Variants in ANKRD54 observed in about 807,000 individuals in gnomAD.
ANKRD54 encodes the protein ankyrin repeat domain-containing protein 54.
Under a neutral mutation model 36.2 loss-of-function variants are expected in ANKRD54, and 26 were observed. The ratio of observed to expected loss-of-function variants is 0.72; its 90% CI spans 0.53 to 1.00. ANKRD54 has a LOEUF of 1.00. ANKRD54 is among the 50% of genes least tolerant of loss of function. The pLI is 0.00. For synonymous variants in ANKRD54, 209 were observed against 188.4 expected, an observed-to-expected ratio of 1.11 and a Z score of -0.89; for missense variants, 384 against 424.3, an observed-to-expected ratio of 0.91 and a Z score of 0.83.
intron 6 of ANKRD54, 83 bp from the exon 7 acceptor site, chr22:37,832,827 C>A (rs559555747): frequency 6.2e-7 from 1 of 1,601,044 alleles, no homozygotes; most frequent in African/African-American, 1.3e-5. Context: ...CACAGTGGAG[C>A]AGGTGCCAAC....
At chr22:37,833,474 T>C (rs1923153653) in intron 4 of ANKRD54, among the ~76,000 whole-genome samples, 1 of 152,084 alleles carries the variant, frequency 6.6e-6, no homozygotes, top group Non-Finnish European at 1.5e-5. Flanking sequence ...GGTTGCTAAA[T>C]TGGCTCTGCC....
chr22:37,834,228 C>T (rs1923248169), intron 3 of ANKRD54: 1 of 157,448 alleles, frequency 6.4e-6, no homozygotes, highest in Non-Finnish European at 1.4e-5. Context: ...AGGCAGGTAG[C>T]CTGGATCCCA....
At position 37,832,003 on chromosome 22, in the gene ANKRD54, A is replaced by C; in HGVS notation, c.843T>G (p.Thr281=). The C allele has an allele frequency of 6.2e-7, 1 of 1,613,226 alleles. No homozygotes were observed. The highest frequency in any genetic ancestry group is 8.5e-7 in the Non-Finnish European group (1 of 1,179,688). The part of the protein sequence containing the change: ...TSTKEQVDEV[T]DLLASFTSLS... ...GGGAGGTGAAGCTGGCCAGGAGGTC[A>C]GTCACTTCATCCACCTGCAGGACGG... Residue 281 remains threonine, a synonymous_variant, in exon 8 of 8, where the codon ACT becomes ACG. Coordinates refer to ENST00000215941, the MANE Select transcript of ANKRD54 (RefSeq NM_138797.4).
chr22:37,835,362 A>T (rs1923389844), intron 3 of ANKRD54, among the ~76,000 whole-genome samples: 1 of 150,116 alleles, frequency 6.7e-6, no homozygotes, highest in Admixed American at 6.6e-5. Context: ...ACTCTGTCTC[A>T]AATAAATAAA....
At chr22:37,845,246 C>G (rs1348820725), upstream of ANKRD54, among the ~76,000 whole-genome samples, 1 of 152,150 alleles carries the variant, frequency 6.6e-6, no homozygotes, top group Middle Eastern at 3.2e-3. Context: ...GTTCGACAGC[C>G]AGTCACTGAG....
In ANKRD54 at chr22:37,844,296, C is replaced by T; in HGVS notation, c.-58G>A. The T allele has an allele frequency of 1.3e-6, 2 of 1,522,700 alleles. No individual in the cohort carries two copies. The highest frequency in any genetic ancestry group is 1.8e-6 in the Non-Finnish European group (2 of 1,137,058). The allele number at this position is 1,522,700 out of a possible 1,614,324, so 94.3% of individuals were successfully genotyped here. The stretch of plus-strand genomic sequence containing the variant: ...GCCTCGTTCCCGACCGACCAACGGA[C>T]CTACTTCCCTCCGCCCTGAGTCGTG... On this transcript the variant is annotated 5_prime_UTR_variant, in exon 1 of 8. Coordinates refer to ENST00000215941, the MANE Select transcript of ANKRD54 (RefSeq NM_138797.4).
At chr22:37,843,820 G>A (rs1466047862) in intron 1 of ANKRD54, 91 bp downstream of exon 1, 2 of 985,244 alleles carry the variant, frequency 2.0e-6, no homozygotes, top group Non-Finnish European at 2.6e-6. Flanking sequence ...GAGGGTCGGG[G>A]GCGACCAAAG....
intron 1 of ANKRD54, among the ~76,000 whole-genome samples, chr22:37,841,144 T>C (rs923926882): frequency 1.1e-4 from 16 of 144,328 alleles, no homozygotes; most frequent in African/African-American, 3.8e-4. Flanking sequence ...ATAATCCCGG[T>C]ACTTTGGGAG....
upstream of ANKRD54, chr22:37,849,287 C>T (rs1925011686): frequency 2.4e-6 from 2 of 845,178 alleles, no homozygotes; most frequent in East Asian, 2.5e-5. Context: ...CCACGGAACG[C>T]GGCTCCTCTT....
upstream of ANKRD54, among the ~76,000 whole-genome samples, chr22:37,845,956 C>G (rs937074753): frequency 5.3e-5 from 8 of 152,062 alleles, no homozygotes; most frequent in African/African-American, 1.9e-4. Context: ...AGGCAGATCA[C>G]GAGGTCAGGA....
chr22:37,840,141 A>T (rs1222960187), intron 2 of ANKRD54, 46 bp downstream of exon 2: 1 of 1,612,494 alleles, frequency 6.2e-7, no homozygotes, highest in Non-Finnish European at 8.5e-7. Context: ...TTCCTTCCCC[A>T]ACCAGCCCAT....
upstream of ANKRD54, chr22:37,849,319 A>G (rs754496650): frequency 1.8e-6 from 2 of 1,107,750 alleles, no homozygotes; most frequent in Non-Finnish European, 2.8e-6. Context: ...TGGCTGTCTC[A>G]GATGGCCAGA....
In ANKRD54 at chr22:37,833,036, G is replaced by C; in HGVS notation, c.642C>G (p.His214Gln). The change falls in exon 6 of 8, where the codon CAC (histidine) becomes CAG (glutamine). Residue 214 changes from histidine (H) to glutamine (Q), a missense_variant. His to Gln is a conservative substitution (Grantham distance 24). This residue lies in a region of ANKRD54 where 179 missense variants were observed against 224.0 expected (regional missense o/e 0.80). Transcript: ENST00000215941. The part of the protein sequence containing the change: ...ALDRAGRTPL[H>Q]LAKSKLNILQ... The stretch of plus-strand genomic sequence containing the variant: ...GGATATTCAGCTTTGACTTGGCCAG[G>C]TGCAGGGGTGTGCGACCAGCTCGGT... 1 of 1,614,188 alleles carries C rather than the reference G, an allele frequency of 6.2e-7. No homozygotes were observed.
chr22:37,847,776 A>C (rs1468754430), upstream of ANKRD54: 4 of 442,572 alleles, frequency 9.0e-6, no homozygotes, highest in African/African-American at 2.1e-5. Context: ...GGGTCGGTAA[A>C]GCTTAAGCTC....
Position 37,843,929 on chromosome 22 carries a change from TG to T in ANKRD54, c.309del (p.Thr104ArgfsTer8). ...CGCTCACCGTGCACCTCCTTGCCCGTGGGCCCGAGCCGCCGGTGGGGCCTGG... is the reference window on the plus strand; with the variant it reads ...CGCTCACCGTGCACCTCCTTGCCCGTGGCCCGAGCCGCCGGTGGGGCCTGG... ...RAARPHRRLG[P>X]TGKEVHALKR... On this transcript the variant is annotated frameshift_variant, in exon 1 of 8. Transcript: ENST00000215941. LOFTEE classifies it high-confidence loss of function. 7.4e-7 allele frequency: 1 copy of T among 1,353,112 alleles called. No individual in the cohort carries two copies. The highest frequency in any genetic ancestry group is 1.8e-5 in the South Asian group (1 of 56,834). 83.8% of individuals were successfully genotyped at this position (1,353,112 alleles called of 1,614,324 possible).
Position 37,835,623 on chromosome 22 carries a change from T to C in ANKRD54, c.476-1868A>G, listed in dbSNP as rs189599566. Among the ~76,000 whole-genome samples the C allele has an allele frequency of 4.6e-5, 7 of 152,098 alleles. 1 individual carries two copies. The East Asian group carries it at 1.4e-3, about 30-fold the overall frequency. On this transcript the variant is annotated intron_variant, in intron 3 of 7. Coordinates refer to ENST00000215941, the MANE Select transcript of ANKRD54 (RefSeq NM_138797.4). ...AGAGTTAGAGAACAGCTGGGTAACA[T>C]AGCAGGACCACGTCTCTACAAGATG...
chr22:37,840,138 C>T (rs375146500), intron 2 of ANKRD54, 49 bp downstream of exon 2: 6 of 1,611,630 alleles, frequency 3.7e-6, no homozygotes, highest in East Asian at 4.5e-5. Context: ...CTTTTCCTTC[C>T]CCAACCAGCC....
rs139894639 is a variant in ANKRD54, at chr22:37,838,737, A to G, written c.377-139T>C. The G allele has an allele frequency of 5.5e-3, 4,206 of 767,562 alleles. 27 individuals are homozygous for G. Among genetic ancestry groups the G allele is most frequent in the Non-Finnish European group, 6.9e-3 (3,301 of 476,092 alleles). The allele number at this position is 767,562 out of a possible 1,614,324, so 47.5% of individuals were successfully genotyped here. On this transcript the variant is annotated intron_variant, in intron 2 of 7. Coordinates refer to ENST00000215941, the MANE Select transcript of ANKRD54 (RefSeq NM_138797.4). Reference sequence around the variant, plus strand: ...AATGCATAGGAAAGCAGCCCTTCCTAGATGCTGGTCCTATGGGAACAAGCA... The same window carrying G: ...AATGCATAGGAAAGCAGCCCTTCCTGGATGCTGGTCCTATGGGAACAAGCA...
chr22:37,841,892 T>TAAAATAAAATA (rs201358059), intron 1 of ANKRD54, among the ~76,000 whole-genome samples: 18 of 30,532 alleles, frequency 5.9e-4, no homozygotes, highest in African/African-American at 2.2e-3. Flanking sequence ...AATAAATAAA[T>TAAAATAAAATA]AAATAAAATA....
Sources: gnomAD v4.1 joint callset for allele counts (sites outside exome capture counted in the v4.1 genomes callset) on GRCh38, gnomAD v4.1.1 for gene constraint, gnomAD v4.1.1 regional missense constraint, MANE v1.5 for transcripts, NCBI Gene and HGNC (gene_info 2026-07-23, HGNC 2026-07-21) for gene names.